SMURF1: variants seen among roughly 807,000 people sequenced by gnomAD.
The protein encoded by SMURF1 is E3 ubiquitin-protein ligase SMURF1.
In SMURF1, 44 loss-of-function variants were observed where a neutral mutation model predicts 98.0. The observed-to-expected ratio is 0.45, with a 90% confidence interval of 0.35 to 0.58. The LOEUF is 0.58. Among genes scored for constraint, SMURF1 ranks in the 20% least tolerant of loss-of-function variants. The probability of loss-of-function intolerance (pLI) is 0.00; values close to 1 mark genes in which losing one functional copy is unlikely to be tolerated. For synonymous variants in SMURF1, 396 were observed against 374.9 expected, an observed-to-expected ratio of 1.06 and a Z score of -0.65; for missense variants, 687 against 938.4, an observed-to-expected ratio of 0.73 and a Z score of 3.50.
At chr7:99,126,430 G>A (rs938139570) in intron 1 of SMURF1, among the ~76,000 whole-genome samples, 5 of 151,738 alleles carry the variant, frequency 3.3e-5, no homozygotes, top group African/African-American at 1.2e-4. Flanking sequence ...GGCTGAGGCA[G>A]GCGGATCACG....
chr7:99,099,053 T>C (rs1320436782), intron 1 of SMURF1, among the ~76,000 whole-genome samples: 2 of 152,062 alleles, frequency 1.3e-5, no homozygotes, highest in East Asian at 1.9e-4. Flanking sequence ...TGTAAAGACA[T>C]GTTTGAGAGG....
intron 17 of SMURF1, 44 bp from the exon 18 acceptor site, chr7:99,030,727 C>T: frequency 1.3e-6 from 2 of 1,531,604 alleles, no homozygotes; most frequent in Non-Finnish European, 1.8e-6. Flanking sequence ...CAGTCCAGCC[C>T]TAGGACCAAC....
At chr7:99,135,621 C>T (rs191473074) in intron 1 of SMURF1, among the ~76,000 whole-genome samples, 120 of 152,294 alleles carry the variant, frequency 7.9e-4, no homozygotes, top group African/African-American at 1.9e-3. Context: ...TGGGAATACA[C>T]GATAATTTAC....
At chr7:99,053,321 C>G (rs985782686) in intron 6 of SMURF1, among the ~76,000 whole-genome samples, 3 of 152,130 alleles carry the variant, frequency 2.0e-5, no homozygotes, top group African/African-American at 7.2e-5. Context: ...GTGTCCACCC[C>G]TCCCAGCTAA....
intron 14 of SMURF1, among the ~76,000 whole-genome samples, chr7:99,037,668 A>G (rs1795199125): frequency 6.6e-6 from 1 of 152,236 alleles, no homozygotes; most frequent in South Asian, 2.1e-4. Context: ...CACGTTAAAA[A>G]TGACTCAGCA....
chr7:99,104,281 T>C (rs1797149923), intron 1 of SMURF1, among the ~76,000 whole-genome samples: 1 of 152,216 alleles, frequency 6.6e-6, no homozygotes. Context: ...AGAGGTAACA[T>C]ATGCTCATAG....
chr7:99,061,896 AATCTAT>A, intron 1 of SMURF1, 59 bp from the exon 2 acceptor site: 1 of 1,305,960 alleles, frequency 7.7e-7, no homozygotes, highest in South Asian at 1.4e-5. Flanking sequence ...CATAATAGCT[AATCTAT>A]ATTTACACCC....
intron 1 of SMURF1, among the ~76,000 whole-genome samples, chr7:99,142,482 G>A (rs1387973300): frequency 1.3e-5 from 2 of 151,498 alleles, no homozygotes; most frequent in Non-Finnish European, 2.9e-5. Flanking sequence ...GCAGGACTGG[G>A]AGCAGCTACA....
intron 16 of SMURF1, among the ~76,000 whole-genome samples, chr7:99,034,063 C>CA (rs1346738948): frequency 1.3e-5 from 2 of 152,232 alleles, no homozygotes; most frequent in Non-Finnish European, 2.9e-5. Flanking sequence ...CAGAGGGTCT[C>CA]AGTGTGCAGC....
At chr7:99,036,477 CAAA>C (rs11341707) in intron 15 of SMURF1, 17 of 73,952 alleles carry the variant, frequency 2.3e-4, no homozygotes, top group Admixed American at 4.5e-4. Flanking sequence ...GACCGTGTCT[CAAA>C]AAAAAAAAAA....
At chr7:99,069,533 A>C (rs56228183) in intron 1 of SMURF1, among the ~76,000 whole-genome samples, 1 of 151,970 alleles carries the variant, frequency 6.6e-6, no homozygotes, top group African/African-American at 2.4e-5. Flanking sequence ...CTAATTTTTC[A>C]ATTTCTTGTA....
chr7:99,033,187 G>A lies in SMURF1; in HGVS notation c.2012-66C>T, dbSNP rs1794984400. ...AGCCGTGGCGCTTCCCGGCCACACAGCCCCCAGGAGCAGGGCCCTGACCAC... is the reference window on the plus strand; with the variant it reads ...AGCCGTGGCGCTTCCCGGCCACACAACCCCCAGGAGCAGGGCCCTGACCAC... On this transcript the variant is annotated intron_variant, in intron 16 of 17. Coordinates refer to ENST00000361368, the MANE Select transcript of SMURF1 (RefSeq NM_181349.3). The A allele has an allele frequency of 4.0e-6, 6 of 1,489,490 alleles. No homozygotes were observed. In the South Asian group the frequency reaches 7.3e-5, roughly 18 times the overall value. 92.3% of individuals were successfully genotyped at this position (1,489,490 alleles called of 1,614,324 possible).
chr7:99,079,507 A>G (rs1200584292), intron 1 of SMURF1, among the ~76,000 whole-genome samples: 1 of 152,242 alleles, frequency 6.6e-6, no homozygotes, highest in Non-Finnish European at 1.5e-5. Context: ...AAGAAACTCA[A>G]TAAAAGTGTT....
Position 99,047,894 on chromosome 7 carries a change from G to T in SMURF1, c.954-12C>A. On this transcript the variant is annotated splice_polypyrimidine_tract_variant and intron_variant, in intron 9 of 17. Transcript: ENST00000361368. ...GTTGGCACTGGTGACTTGAGAAGAA[G>T]AGATGCAGAAAGTCACTCCGAAGCC... 1 of 1,612,246 alleles carries T rather than the reference G, an allele frequency of 6.2e-7. No individual in the cohort carries two copies.
chr7:99,066,795 A>G (rs374449980), intron 1 of SMURF1, among the ~76,000 whole-genome samples: 142 of 151,690 alleles, frequency 9.4e-4, no homozygotes, highest in African/African-American at 2.8e-3. Flanking sequence ...AAAAAAAAAA[A>G]AAAAGAAAAG....
chr7:99,035,058 C>T (rs997262593), intron 16 of SMURF1, among the ~76,000 whole-genome samples: 7 of 152,250 alleles, frequency 4.6e-5, no homozygotes, highest in South Asian at 2.1e-4. Flanking sequence ...CCACTTCCGG[C>T]GACCTCAGTG....
intron 1 of SMURF1, among the ~76,000 whole-genome samples, chr7:99,102,790 C>T (rs983753837): frequency 5.3e-5 from 8 of 152,010 alleles, no homozygotes; most frequent in African/African-American, 1.7e-4. Flanking sequence ...TGGTGGTGCA[C>T]GTAATTGTAA....
chr7:99,083,006 A>T (rs908437031), intron 1 of SMURF1, among the ~76,000 whole-genome samples: 15 of 152,162 alleles, frequency 9.9e-5, no homozygotes, highest in Admixed American at 2.0e-4. Flanking sequence ...GATTTTTAAA[A>T]TTTTTTTATT....
intron 1 of SMURF1, among the ~76,000 whole-genome samples, chr7:99,116,440 T>C (rs1156727221): frequency 2.0e-5 from 3 of 152,134 alleles, no homozygotes; most frequent in African/African-American, 7.2e-5. Flanking sequence ...TATTGAAAAA[T>C]GACATAATCT....
Sources: allele counts gnomAD v4.1 joint callset (sites outside exome capture counted in the v4.1 genomes callset), GRCh38; gene constraint gnomAD v4.1.1; transcripts MANE v1.5; gene names NCBI Gene and HGNC (gene_info 2026-07-23, HGNC 2026-07-21).